Variants in SHISA2 observed in about 807,000 individuals in gnomAD.
SHISA2 encodes the protein shisa family member 2, also known as protein shisa-2 homolog.
A neutral mutation model predicts 23.8 loss-of-function variants in SHISA2; 16 were observed. The ratio of observed to expected loss-of-function variants is 0.67; its 90% CI spans 0.46 to 1.02. The LOEUF is 1.02. SHISA2 is among the 50% of genes least tolerant of loss of function. The pLI, the probability that SHISA2 is intolerant of heterozygous loss-of-function variation, is 0.00. For missense variants in SHISA2, 459 were observed against 420.1 expected (o/e 1.09, Z -0.81); for synonymous variants, 201 against 178.6 (o/e 1.13, Z -1.00).
chr13:26,051,285 G>A lies in SHISA2; in HGVS notation c.-310C>T, dbSNP rs1358723954. On this transcript the variant is annotated 5_prime_UTR_variant, in exon 1 of 2. Transcript: ENST00000319420. ...GGGCTGTCGTCCGGAAGCCTCTGGA[G>A]GTTTCACTGGCAACCGGACCCTCCC... Among the ~76,000 whole-genome samples the A allele has an allele frequency of 2.0e-5, 3 of 152,172 alleles. No homozygotes were observed. The highest frequency in any genetic ancestry group is 4.4e-5 in the Non-Finnish European group (3 of 68,020).
Position 26,046,082 on chromosome 13 carries a change from T to TAAAAAAAAAAAAAA in SHISA2, c.*417_*430dup. 1.5e-5 allele frequency: 1 copy of TAAAAAAAAAAAAAA among 68,346 alleles called. No individual in the cohort carries two copies. The highest frequency in any genetic ancestry group is 2.6e-5 in the Non-Finnish European group (1 of 38,406). 4.2% of individuals were successfully genotyped at this position (68,346 alleles called of 1,614,324 possible). ...GCAACAGAGCAAGACCCTGTCTGAT[T>TAAAAAAAAAAAAAA]AAAAAAAAAAAAAAAAAAAAAAAAA... is the stretch of plus-strand genomic sequence containing the variant. On this transcript the variant is annotated 3_prime_UTR_variant, in exon 2 of 2. Transcript: ENST00000319420.
At chr13:26,048,344 T>C (rs1332167388) in intron 1 of SHISA2, among the ~76,000 whole-genome samples, 1 of 152,056 alleles carries the variant, frequency 6.6e-6, no homozygotes, top group East Asian at 1.9e-4. Flanking sequence ...CTTAAAAAAA[T>C]CTTTTAGGAG....
Position 26,046,416 on chromosome 13 carries a change from G to T in SHISA2, c.*97C>A. On this transcript the variant is annotated 3_prime_UTR_variant, in exon 2 of 2. Coordinates refer to ENST00000319420, the MANE Select transcript of SHISA2 (RefSeq NM_001007538.2). ...GCAAATGAAGCCATCCAAAGGAATC[G>T]TGCCATAAATACCACCGACATGTGC... 1.6e-6 allele frequency: 2 copies of T among 1,273,260 alleles called. No individual in the cohort carries two copies. The highest frequency in any genetic ancestry group is 2.1e-6 in the Non-Finnish European group (2 of 936,708). The allele number at this position is 1,273,260 out of a possible 1,614,324, so 78.9% of individuals were successfully genotyped here.
rs531048640 is a variant in SHISA2 at position 26,051,789 on chromosome 13, C to A, written c.-814G>T. On this transcript the variant is annotated 5_prime_UTR_variant, in exon 1 of 2. Transcript: ENST00000319420. ...GGCGCGGATCCAGGCGGGCGGCTCG[C>A]CCCGGTTCCCCTTCTCCGCCTCCCC... 1.6e-4 allele frequency among the ~76,000 whole-genome samples: 25 copies of A among 152,244 alleles called. No homozygotes were observed. The South Asian group carries it at 4.3e-3, about 26-fold the overall frequency.
chr13:26,049,827 A>G (rs1957288748), intron 1 of SHISA2, among the ~76,000 whole-genome samples: 1 of 140,674 alleles, frequency 7.1e-6, no homozygotes. Context: ...CACGTTTGCC[A>G]TTTTACCTCT....
Position 26,046,979 on chromosome 13 carries a change from C to G in SHISA2, c.422G>C (p.Arg141Thr). Residue 141 changes from arginine to threonine, a missense_variant, in exon 2 of 2, where the codon AGA becomes ACA. Arg to Thr is a moderately conservative substitution (Grantham distance 71, BLOSUM62 -1). Coordinates refer to ENST00000319420, the MANE Select transcript of SHISA2 (RefSeq NM_001007538.2). ...GGGATCCTGCTTAGGCCGGAGACAT[C>G]TGCAGCAACAGGCTGCCACCAGGGA... Reference protein sequence around the residue: ...LGSLVAACCCRCLRPKQDPQQ... With the variant: ...LGSLVAACCCTCLRPKQDPQQ... 4 of 1,602,316 alleles carry G rather than the reference C, an allele frequency of 2.5e-6. No individual in the cohort carries two copies. The highest frequency in any genetic ancestry group is 2.2e-5 in the East Asian group (1 of 44,582).
Position 26,046,700 on chromosome 13 carries a change from T to G in SHISA2, c.701A>C (p.Gln234Pro), listed in dbSNP as rs1957270254. ...ATACTGCCCTTGATGTGGCACAATC[T>G]GGGTGGCCTGCTGACAGTTCAGCAC... ...FSVLNCQQAT[Q>P]IVPHQGQYLH... The change falls in exon 2 of 2, where the codon CAG (glutamine) becomes CCG (proline). Residue 234 changes from glutamine (Q) to proline (P), a missense_variant. Coordinates refer to ENST00000319420, the MANE Select transcript of SHISA2 (RefSeq NM_001007538.2). The G allele has an allele frequency of 6.2e-7, 1 of 1,614,104 alleles. No individual in the cohort carries two copies. Among genetic ancestry groups the G allele is most frequent in the Non-Finnish European group, 8.5e-7 (1 of 1,180,050 alleles).
intron 1 of SHISA2, among the ~76,000 whole-genome samples, chr13:26,050,135 G>A (rs529022702): frequency 2.0e-5 from 3 of 152,366 alleles, no homozygotes; most frequent in Non-Finnish European, 4.4e-5. Flanking sequence ...GGCCGCTGCA[G>A]GGGAGAGGGG....
chr13:26,051,266 T>C lies in SHISA2; in HGVS notation c.-291A>G, dbSNP rs944738341. Among the ~76,000 whole-genome samples the C allele has an allele frequency of 6.6e-6, 1 of 152,178 alleles. No homozygotes were observed. The highest frequency in any genetic ancestry group is 1.5e-5 in the Non-Finnish European group (1 of 68,020). The stretch of plus-strand genomic sequence containing the variant: ...TGCAGTCAGAAGGCCCCCGGGGCTG[T>C]CGTCCGGAAGCCTCTGGAGGTTTCA... On this transcript the variant is annotated 5_prime_UTR_variant, in exon 1 of 2. Transcript: ENST00000319420.
chr13:26,050,768 A>G lies in SHISA2; in HGVS notation c.208T>C (p.Cys70Arg). Residue 70 changes from cysteine to arginine, a missense_variant, in exon 1 of 2, where the codon TGC (cysteine) becomes CGC (arginine). Physicochemically the swap from Cys to Arg is radical, Grantham distance 180. Transcript: ENST00000319420. ...GGDATICCGS[C>R]ALRYCCSSAE... ...CTGGAGCAGCAGTAGCGCAACGCGC[A>G]GCTGCCGCAGCAGATGGTGGCGTCG... 6.6e-7 allele frequency: 1 copy of G among 1,517,718 alleles called. No individual in the cohort carries two copies. The allele number at this position is 1,517,718 out of a possible 1,614,324, so 94.0% of individuals were successfully genotyped here.
rs746671664 is a variant in SHISA2 at position 26,050,663 on chromosome 13, C to T, written c.313G>A (p.Asp105Asn). ...GAGEPGRADKDGPDGSAVPIY... is the reference protein window; with the variant it reads ...GAGEPGRADKNGPDGSAVPIY... ...CTACCTGCCGAGCCGTCGGGGCCGT[C>T]TTTGTCCGCCCGGCCAGGCTCGCCA... The change falls in exon 1 of 2, where the codon GAC (aspartate) becomes AAC (asparagine). Residue 105 changes from aspartate to asparagine, a missense_variant. Asp to Asn is a conservative substitution (Grantham distance 23). Transcript: ENST00000319420. 2 of 1,442,746 alleles carry T rather than the reference C, an allele frequency of 1.4e-6. No individual in the cohort carries two copies. Among genetic ancestry groups the T allele is most frequent in the East Asian group, 3.0e-5 (1 of 33,866 alleles). 89.4% of individuals were successfully genotyped at this position (1,442,746 alleles called of 1,614,324 possible).
chr13:26,050,851 A>G lies in SHISA2; in HGVS notation c.125T>C (p.Leu42Pro). 1 of 1,530,452 alleles carries G rather than the reference A, an allele frequency of 6.5e-7. No homozygotes were observed. The highest frequency in any genetic ancestry group is 8.7e-7 in the Non-Finnish European group (1 of 1,147,600). The allele number at this position is 1,530,452 out of a possible 1,614,324, so 94.8% of individuals were successfully genotyped here. A position where few individuals can be genotyped will look rare whatever the true frequency, so the allele number is the denominator to read the frequency against. Residue 42 changes from leucine (L) to proline (P), a missense_variant, in exon 1 of 2, where the codon CTG (leucine) becomes CCG (proline). Transcript: ENST00000319420. Reference sequence around the variant, plus strand: ...GATGCGCCAGACGCCCTGCGCGTCCAGCCAGCCGTGGCAGTACTCGCCGCT... The same window carrying G: ...GATGCGCCAGACGCCCTGCGCGTCCGGCCAGCCGTGGCAGTACTCGCCGCT... Reference protein sequence around the residue: ...RASGEYCHGWLDAQGVWRIGF... With the variant: ...RASGEYCHGWPDAQGVWRIGF...
intron 1 of SHISA2, among the ~76,000 whole-genome samples, chr13:26,048,046 T>C (rs1957278399): frequency 6.6e-6 from 1 of 152,222 alleles, no homozygotes. Context: ...CTCACGCCTG[T>C]AATCCAAGCA....
At position 26,050,688 on chromosome 13, in the gene SHISA2, A is replaced by C; in HGVS notation, c.288T>G (p.Ala96=). Residue 96 remains alanine (A), a synonymous_variant, in exon 1 of 2, where the codon GCT becomes GCG. Coordinates refer to ENST00000319420, the MANE Select transcript of SHISA2 (RefSeq NM_001007538.2). The part of the protein sequence containing the change: ...GGCDNDRQQG[A]GEPGRADKDG... ...CTTTGTCCGCCCGGCCAGGCTCGCC[A>C]GCGCCCTGCTGGCGGTCATTGTCGC... 1 of 1,467,558 alleles carries C rather than the reference A, an allele frequency of 6.8e-7. No homozygotes were observed. The highest frequency in any genetic ancestry group is 8.9e-7 in the Non-Finnish European group (1 of 1,117,412). The allele number at this position is 1,467,558 out of a possible 1,614,324, so 90.9% of individuals were successfully genotyped here. A position where few individuals can be genotyped will look rare whatever the true frequency, so the allele number is the denominator to read the frequency against.
chr13:26,048,905 A>G (rs1957282859), intron 1 of SHISA2, among the ~76,000 whole-genome samples: 1 of 152,230 alleles, frequency 6.6e-6, no homozygotes, highest in African/African-American at 2.4e-5. Flanking sequence ...AACATTTGCT[A>G]CAGTGTCTGC....
rs1378193075 is a variant in SHISA2 at position 26,046,801 on chromosome 13, T to G, written c.600A>C (p.Thr200=). The G allele has an allele frequency of 6.2e-7, 1 of 1,614,148 alleles. No homozygotes were observed. The part of the protein sequence containing the change: ...SANSGARAPP[T]RSQTNCCLPE... ...GCAAGCAACAGTTGGTCTGTGACCT[T>G]GTTGGGGGCGCCCGGGCCCCTGAGT... is the stretch of plus-strand genomic sequence containing the variant. Residue 200 remains threonine, a synonymous_variant, in exon 2 of 2, where the codon ACA becomes ACC. Transcript: ENST00000319420.
chr13:26,047,100 C>T, intron 1 of SHISA2, 34 bp from the exon 2 acceptor site: 1 of 1,509,964 alleles, frequency 6.6e-7, no homozygotes, highest in Non-Finnish European at 8.8e-7. Flanking sequence ...ACATTATGAT[C>T]TACTCTAGGA....
Position 26,046,184 on chromosome 13 carries a change from T to A in SHISA2, c.*329A>T. 1 of 185,382 alleles carries A rather than the reference T, an allele frequency of 5.4e-6. No homozygotes were observed. The highest frequency in any genetic ancestry group is 1.1e-5 in the Non-Finnish European group (1 of 90,880). The allele number at this position is 185,382 out of a possible 1,614,324, so 11.5% of individuals were successfully genotyped here. A position where few individuals can be genotyped will look rare whatever the true frequency, so the allele number is the denominator to read the frequency against. On this transcript the variant is annotated 3_prime_UTR_variant, in exon 2 of 2. Transcript: ENST00000319420. Reference sequence around the variant, plus strand: ...CAAAAAAGAAATAATAATAACAACATAATAAAAATCCTTAATTTATCAGTT... The same window carrying A: ...CAAAAAAGAAATAATAATAACAACAAAATAAAAATCCTTAATTTATCAGTT...
chr13:26,050,643 T>G lies in SHISA2; in HGVS notation c.333A>C (p.Ala111=). The change falls in exon 1 of 2, where the codon GCA becomes GCC. Residue 111 remains alanine (A), a splice_region_variant and synonymous_variant. Coordinates refer to ENST00000319420, the MANE Select transcript of SHISA2 (RefSeq NM_001007538.2). ...RADKDGPDGS[A]VPIYVPFLIV... is the part of the protein sequence containing the mutation. ...CGCGCTGGGCGCAGGCCGCCCTACC[T>G]GCCGAGCCGTCGGGGCCGTCTTTGT... The G allele has an allele frequency of 7.2e-7, 1 of 1,397,758 alleles. No individual in the cohort carries two copies. 86.6% of individuals were successfully genotyped at this position (1,397,758 alleles called of 1,614,324 possible).
Sources: allele counts gnomAD v4.1 joint callset (sites outside exome capture counted in the v4.1 genomes callset), GRCh38; gene constraint gnomAD v4.1.1; transcripts MANE v1.5; gene names NCBI Gene and HGNC (gene_info 2026-07-23, HGNC 2026-07-21).